The following FGF13 variants were observed in gnomAD, a reference collection of about 807,000 sequenced individuals.
The protein encoded by FGF13 is fibroblast growth factor homologous factor 2.
In FGF13, 2 loss-of-function variants were observed where a neutral mutation model predicts 19.5. The observed-to-expected ratio is 0.10, with a 90% CI of 0.04 to 0.32. The LOEUF (loss-of-function observed/expected upper bound fraction) is 0.32. FGF13 is among the 10% of genes least tolerant of loss of function. FGF13 has a pLI of 1.00. For missense variants in FGF13, 113 were observed against 192.7 expected (o/e 0.59, Z 2.45); for synonymous variants, 72 against 76.9 (o/e 0.94, Z 0.33).
intron 3 of FGF13, among the ~76,000 whole-genome samples, chrX:138,660,113 C>A (rs2124149165): frequency 8.9e-6 from 1 of 111,899 alleles, no homozygotes; most frequent in South Asian, 3.7e-4. Context: ...CATAACCATT[C>A]TTCATGGTCT....
intron 3 of FGF13, among the ~76,000 whole-genome samples, chrX:138,776,556 A>C (rs932161815): frequency 8.9e-6 from 1 of 112,264 alleles, no homozygotes; most frequent in Non-Finnish European, 1.9e-5. Flanking sequence ...TAAGAAGTGC[A>C]ACTGGGGTTC....
At position 139,051,062 on chromosome X, in the gene FGF13, C is replaced by T. The variant is rs146283170; in HGVS notation, c.-113+152354G>A. On this transcript the variant is annotated intron_variant, in intron 1 of 2. Transcript: ENST00000421460. ...GGAGACCCACCAAATATACTTAAAG[C>T]CTCACTAAATATACCACACACAGAT... is the stretch of plus-strand genomic sequence containing the variant. 3.3e-3 allele frequency among the ~76,000 whole-genome samples: 373 copies of T among 111,879 alleles called. 1 individual carries two copies. Among genetic ancestry groups the T allele is most frequent in the Non-Finnish European group, 5.8e-3 (310 of 53,112 alleles).
rs556434699 is a variant in FGF13, at chrX:138,906,314, T to C, written c.-112-41664A>G. On this transcript the variant is annotated intron_variant, in intron 1 of 2. Coordinates refer to the FGF13 transcript ENST00000421460. Reference sequence around the variant, plus strand: ...GAGTTAATGTGCAGCATGCAATAATTATTAATTGCTCTTGTCATTTTTATT... The same window carrying C: ...GAGTTAATGTGCAGCATGCAATAATCATTAATTGCTCTTGTCATTTTTATT... Among the ~76,000 whole-genome samples, 62 of 112,414 alleles carry C rather than the reference T, an allele frequency of 5.5e-4. 1 individual carries two copies. In the South Asian group the frequency reaches 0.023, roughly 41 times the overall value.
intron 1 of FGF13, among the ~76,000 whole-genome samples, chrX:139,072,996 A>G (rs180767716): frequency 9.0e-6 from 1 of 111,015 alleles, no homozygotes; most frequent in African/African-American, 3.3e-5. Context: ...TTTTTCTAGA[A>G]GTTATATTTA....
In FGF13 at chrX:138,632,959, T is replaced by C; in HGVS notation, c.629A>G (p.His210Arg). The C allele has an allele frequency of 8.3e-7, 1 of 1,210,377 alleles. No individual in the cohort carries two copies. Among genetic ancestry groups the C allele is most frequent in the Non-Finnish European group, 1.1e-6 (1 of 894,777 alleles). ...AGATCGGGAGAACTCCGTGAGATCG[T>C]GCAGTGATGGCTCCTTGTACATGGC... ...KVAMYKEPSL[H>R]DLTEFSRSGS... The change falls in exon 5 of 5, where the codon CAC becomes CGC. Residue 210 changes from histidine to arginine, a missense_variant. His to Arg is a conservative substitution (Grantham distance 29). This residue lies in a region of FGF13 where 43 missense variants were observed against 41.4 expected (regional missense o/e 1.04). Coordinates refer to ENST00000315930, the MANE Select transcript of FGF13 (RefSeq NM_004114.5).
chrX:139,104,450 C>G (rs770585456), intron 1 of FGF13, among the ~76,000 whole-genome samples: 2 of 110,488 alleles, frequency 1.8e-5, no homozygotes, highest in South Asian at 7.8e-4. Context: ...CAAAGGTAAC[C>G]AGGAATATTG....
At chrX:138,854,131 A>G (rs2091243109), downstream of FGF13, among the ~76,000 whole-genome samples, 1 of 112,106 alleles carries the variant, frequency 8.9e-6, no homozygotes. Context: ...GCTTTCTTTT[A>G]ACAAAGAACA....
chrX:139,069,833 T>C (rs1297518806), intron 1 of FGF13, among the ~76,000 whole-genome samples: 5 of 111,741 alleles, frequency 4.5e-5, no homozygotes, highest in African/African-American at 1.6e-4. Context: ...AACACACATC[T>C]ACAACCATCT....
intron 3 of FGF13, among the ~76,000 whole-genome samples, chrX:138,749,834 G>A (rs1162000471): frequency 1.8e-5 from 2 of 111,675 alleles, no homozygotes; most frequent in African/African-American, 6.5e-5. Context: ...TCACGGGATA[G>A]GATTTGACAC....
At chrX:138,652,636 C>A (rs891071277) in intron 3 of FGF13, among the ~76,000 whole-genome samples, 2 of 112,006 alleles carry the variant, frequency 1.8e-5, no homozygotes, top group Non-Finnish European at 3.8e-5. Context: ...AGGTACAGTT[C>A]TCAGGACTTT....
intron 1 of FGF13, among the ~76,000 whole-genome samples, chrX:138,980,480 A>G (rs1453238236): frequency 8.9e-6 from 1 of 111,953 alleles, no homozygotes; most frequent in African/African-American, 3.3e-5. Flanking sequence ...TGAGGACTTG[A>G]TTAGGGAGAG....
At chrX:138,885,730 G>A (rs776848278) in intron 1 of FGF13, among the ~76,000 whole-genome samples, 4 of 107,172 alleles carry the variant, frequency 3.7e-5, no homozygotes, top group Non-Finnish European at 5.8e-5. Context: ...CACCCATTAC[G>A]GCCCCTCTTG....
rs1458370120 is a variant in FGF13, at chrX:138,934,660, C to T, written c.-112-70010G>A. ...CAAAACTGCATCTGTGATTTGGTTG[C>T]TTAGTAGGTTGGAAATCAAAACATA... On this transcript the variant is annotated intron_variant, in intron 1 of 2. Transcript: ENST00000421460. 6.2e-5 allele frequency among the ~76,000 whole-genome samples: 7 copies of T among 112,286 alleles called. No individual in the cohort carries two copies. The East Asian group carries it at 2.0e-3, about 32-fold the overall frequency.
chrX:138,713,662 T>G (rs1211742559), upstream of FGF13, among the ~76,000 whole-genome samples: 1 of 111,609 alleles, frequency 9.0e-6, no homozygotes, highest in East Asian at 2.8e-4. Context: ...CCGTTTTTCC[T>G]CCACTTCTCC....
intron 1 of FGF13, among the ~76,000 whole-genome samples, chrX:139,039,626 G>T (rs2092262486): frequency 9.0e-6 from 1 of 111,535 alleles, no homozygotes; most frequent in African/African-American, 3.3e-5. Context: ...ATGGAGTGGG[G>T]TGGAATAAGG....
At chrX:138,729,290 G>T (rs1478454141) in intron 1 of FGF13, among the ~76,000 whole-genome samples, 1 of 110,951 alleles carries the variant, frequency 9.0e-6, no homozygotes, top group Non-Finnish European at 1.9e-5. Flanking sequence ...TGACATGCTT[G>T]AATAAATGTA....
chrX:138,620,528 A>C lies in FGF13; in HGVS notation c.*12322T>G, dbSNP rs1378729209. On this transcript the variant is annotated 3_prime_UTR_variant, in exon 5 of 5. Coordinates refer to ENST00000315930, the MANE Select transcript of FGF13 (RefSeq NM_004114.5). ...AAATCAAACCATAGTACTACAGGAAAATCATCAATCACAAAGAAAGACAGC... is the reference window on the plus strand; with the variant it reads ...AAATCAAACCATAGTACTACAGGAACATCATCAATCACAAAGAAAGACAGC... The C allele has an allele frequency of 2.7e-5, 3 of 111,602 alleles. No individual in the cohort carries two copies. Among genetic ancestry groups the C allele is most frequent in the African/African-American group, 9.8e-5 (3 of 30,714 alleles). The allele number at this position is 111,602 out of a possible 1,213,427, so 9.2% of individuals were successfully genotyped here.
intron 1 of FGF13, among the ~76,000 whole-genome samples, chrX:138,963,984 G>A: frequency 9.0e-6 from 1 of 111,573 alleles, no homozygotes; most frequent in East Asian, 2.8e-4. Context: ...CCAGGCAGTG[G>A]GCTAGGAGAC....
In FGF13 at chrX:138,921,562, G is replaced by A. The variant is rs762638052; in HGVS notation, c.-112-56912C>T. Among the ~76,000 whole-genome samples, 24 of 111,057 alleles carry A rather than the reference G, an allele frequency of 2.2e-4. No individual in the cohort carries two copies. In the East Asian group the frequency reaches 2.8e-3, roughly 13 times the overall value. On this transcript the variant is annotated intron_variant, in intron 1 of 2. Transcript: ENST00000421460. ...CCTGTCACTATTACTTCCAACTTTC[G>A]TGGTATTTCTGACTTCCAGCTGTAA...
Sources: gnomAD v4.1 joint callset for allele counts (sites outside exome capture counted in the v4.1 genomes callset) on GRCh38, gnomAD v4.1.1 for gene constraint, gnomAD v4.1.1 regional missense constraint, MANE v1.5 for transcripts, NCBI Gene and HGNC (gene_info 2026-07-23, HGNC 2026-07-21) for gene names.